The following MYRFL variants were observed in gnomAD, a reference collection of about 807,000 sequenced individuals.
MYRFL encodes myelin regulatory factor-like protein.
A neutral mutation model predicts 109.4 loss-of-function variants in MYRFL; 88 were observed. The ratio of observed to expected loss-of-function variants is 0.80; its 90% CI spans 0.68 to 0.96. The LOEUF (loss-of-function observed/expected upper bound fraction) is 0.96. MYRFL is among the 40% of genes least tolerant of loss of function. The probability of loss-of-function intolerance (pLI) is 0.00; values close to 1 mark genes in which losing one functional copy is unlikely to be tolerated. For missense variants in MYRFL, 957 were observed against 954.9 expected, an observed-to-expected ratio of 1.00 and a Z score of -0.03; for synonymous variants, 324 against 320.9, an observed-to-expected ratio of 1.01 and a Z score of -0.10.
intron 13 of MYRFL, among the ~76,000 whole-genome samples, chr12:69,912,372 C>T (rs924389077): frequency 1.4e-4 from 21 of 152,154 alleles, no homozygotes; most frequent in African/African-American, 4.8e-4. Flanking sequence ...ATGTTTGATA[C>T]GTTCATCATG....
In MYRFL at chr12:69,952,884, C is replaced by G. The variant is rs564986498; in HGVS notation, c.2373C>G (p.Cys791Trp). 3.7e-4 allele frequency: 565 copies of G among 1,532,704 alleles called. No homozygotes were observed. The highest frequency in any genetic ancestry group is 4.6e-4 in the Non-Finnish European group (532 of 1,144,912). 94.9% of individuals were successfully genotyped at this position (1,532,704 alleles called of 1,614,324 possible). Residue 791 changes from cysteine to tryptophan, a missense_variant and splice_region_variant, in exon 21 of 25, where the codon TGC becomes TGG. Coordinates refer to ENST00000552032, the MANE Select transcript of MYRFL (RefSeq NM_182530.3). ...DHQYCIQSLQ[C>W]GSGNYNYNIP... ...AGTATTGCATTCAAAGCCTCCAGTG[C>G]GGGTAGGTAAGCCTCCCCAGCATGC...
chr12:69,909,919 A>G (rs1954498701), intron 11 of MYRFL, 50 bp from the exon 12 acceptor site: 1 of 1,302,888 alleles, frequency 7.7e-7, no homozygotes, highest in African/African-American at 1.5e-5. Context: ...CATTAATTTG[A>G]ATAGCAAATA....
intron 19 of MYRFL, among the ~76,000 whole-genome samples, chr12:69,951,827 C>T (rs1380421320): frequency 6.6e-6 from 1 of 152,198 alleles, no homozygotes; most frequent in African/African-American, 2.4e-5. Context: ...GCCCTATCAA[C>T]AAACAGTCAC....
intron 2 of MYRFL, among the ~76,000 whole-genome samples, chr12:69,858,094 T>C (rs561014475): frequency 2.0e-4 from 30 of 151,982 alleles, no homozygotes; most frequent in African/African-American, 6.5e-4. Flanking sequence ...TTTTGTCAAT[T>C]TTTTTCTGTA....
intron 7 of MYRFL, among the ~76,000 whole-genome samples, chr12:69,893,042 G>T (rs938824647): frequency 5.9e-5 from 9 of 151,840 alleles, no homozygotes; most frequent in African/African-American, 2.2e-4. Flanking sequence ...ATTTTTTATT[G>T]TTAATAAAAC....
intron 1 of MYRFL, among the ~76,000 whole-genome samples, chr12:69,854,577 G>T (rs1368169746): frequency 1.3e-5 from 2 of 152,040 alleles, no homozygotes; most frequent in Admixed American, 1.3e-4. Context: ...GTAGAGACAG[G>T]GTTTCACTAT....
chr12:69,830,301 G>T (rs1006854996), intron 1 of MYRFL, among the ~76,000 whole-genome samples: 1 of 151,086 alleles, frequency 6.6e-6, no homozygotes. Context: ...AATATATAGA[G>T]AGATAATGTA....
chr12:69,955,795 G>C (rs1439857918), intron 22 of MYRFL, among the ~76,000 whole-genome samples: 1 of 150,644 alleles, frequency 6.6e-6, no homozygotes, highest in Admixed American at 6.6e-5. Flanking sequence ...AAGATGCACA[G>C]CTCCCAGTAG....
At chr12:69,887,113 T>G in intron 6 of MYRFL, 143 bp downstream of exon 6, 1 of 848,998 alleles carries the variant, frequency 1.2e-6, no homozygotes, top group Non-Finnish European at 1.7e-6. Context: ...CTCCTCATTT[T>G]TTACATCCTA....
chr12:69,834,721 G>A (rs1882834484), intron 1 of MYRFL, among the ~76,000 whole-genome samples: 1 of 152,034 alleles, frequency 6.6e-6, no homozygotes, highest in South Asian at 2.1e-4. Flanking sequence ...CTGTCTCCAG[G>A]GAGTTATTAA....
chr12:69,839,592 T>A (rs1592684129), intron 1 of MYRFL, among the ~76,000 whole-genome samples: 1 of 152,218 alleles, frequency 6.6e-6, no homozygotes, highest in African/African-American at 2.4e-5. Flanking sequence ...CAATGACACT[T>A]GTGTTACTGA....
At chr12:69,833,358 C>G (rs1357151081) in intron 1 of MYRFL, among the ~76,000 whole-genome samples, 2 of 152,064 alleles carry the variant, frequency 1.3e-5, no homozygotes, top group Non-Finnish European at 2.9e-5. Context: ...AAATACAAGA[C>G]AATTGCCTAT....
intron 1 of MYRFL, among the ~76,000 whole-genome samples, chr12:69,833,828 C>CTTTTTTTT (rs11300053): frequency 1.8e-5 from 2 of 113,910 alleles, no homozygotes; most frequent in Non-Finnish European, 1.7e-5. Context: ...ATAGGGCTTG[C>CTTTTTTTT]TTTTTTTTTT....
At chr12:69,880,329 C>T (rs747130050) in intron 5 of MYRFL, 37 bp downstream of exon 5, 2 of 696,618 alleles carry the variant, frequency 2.9e-6, no homozygotes, top group Admixed American at 2.1e-5. Context: ...GCGATGCCAT[C>T]AAAGCCTTGG....
At chr12:69,844,594 C>A (rs1470735479) in intron 1 of MYRFL, among the ~76,000 whole-genome samples, 1 of 152,076 alleles carries the variant, frequency 6.6e-6, no homozygotes, top group African/African-American at 2.4e-5. Context: ...GGGCACGGGG[C>A]GGTCGTGAGA....
At chr12:69,884,139 C>G (rs545201638) in intron 5 of MYRFL, among the ~76,000 whole-genome samples, 5 of 152,188 alleles carry the variant, frequency 3.3e-5, no homozygotes, top group Admixed American at 1.3e-4. Context: ...GTACACTGTC[C>G]TTCAAAAAAG....
chr12:69,914,209 T>C (rs1416140853), intron 13 of MYRFL, among the ~76,000 whole-genome samples: 1 of 152,156 alleles, frequency 6.6e-6, no homozygotes, highest in Non-Finnish European at 1.5e-5. Flanking sequence ...TTCCAATAAA[T>C]TACTTAAAAA....
intron 9 of MYRFL, among the ~76,000 whole-genome samples, chr12:69,895,789 A>T (rs1039707010): frequency 6.6e-6 from 1 of 152,142 alleles, no homozygotes; most frequent in East Asian, 1.9e-4. Flanking sequence ...CCACAGATTG[A>T]GGGCTGGCTG....
At chr12:69,894,467 A>G (rs1164393485) in intron 8 of MYRFL, among the ~76,000 whole-genome samples, 2 of 152,342 alleles carry the variant, frequency 1.3e-5, no homozygotes, top group East Asian at 3.9e-4. Context: ...CCTTACTAAC[A>G]ACTTTAGTTC....
Sources: gnomAD v4.1 joint callset for allele counts (sites outside exome capture counted in the v4.1 genomes callset) on GRCh38, gnomAD v4.1.1 for gene constraint, MANE v1.5 for transcripts, NCBI Gene and HGNC (gene_info 2026-07-23, HGNC 2026-07-21) for gene names.